Variants in GPM6A observed in about 807,000 individuals in gnomAD.
GPM6A encodes neuronal membrane glycoprotein M6-a.
GPM6A carries 7 observed loss-of-function variants against 32.1 expected under a neutral mutation model. That is an observed-to-expected ratio of 0.22 (90% CI 0.12 to 0.41). GPM6A has a LOEUF of 0.41. Ranked by LOEUF, GPM6A falls within the 10% of genes least tolerant of loss-of-function variation. The pLI is 1.00. For missense variants in GPM6A, 235 were observed against 347.2 expected (o/e 0.68, Z 2.57); for synonymous variants, 130 against 123.4 (o/e 1.05, Z -0.35).
At chr4:175,931,671 T>TACACACACACACACACAC (rs376901123) in intron 1 of GPM6A, among the ~76,000 whole-genome samples, 1 of 136,536 alleles carries the variant, frequency 7.3e-6, no homozygotes, top group Admixed American at 7.3e-5. Context: ...TTAAAAAATA[T>TACACACACACACACACAC]ACACACACAC....
At chr4:175,827,221 A>G (rs1735466021) in intron 1 of GPM6A, among the ~76,000 whole-genome samples, 1 of 152,236 alleles carries the variant, frequency 6.6e-6, no homozygotes, top group African/African-American at 2.4e-5. Context: ...GGAAACAGTG[A>G]AGCATGTATG....
At chr4:175,977,369 CA>C (rs1740693765) in intron 1 of GPM6A, among the ~76,000 whole-genome samples, 1 of 152,020 alleles carries the variant, frequency 6.6e-6, no homozygotes, top group African/African-American at 2.4e-5. Flanking sequence ...ACAAATACTA[CA>C]AAAAATGAAC....
intron 1 of GPM6A, among the ~76,000 whole-genome samples, chr4:175,724,346 A>G (rs1461861776): frequency 6.6e-6 from 1 of 152,224 alleles, no homozygotes; most frequent in Non-Finnish European, 1.5e-5. Context: ...GGAGTTCAAG[A>G]CCAGCCTGGC....
At position 175,897,878 on chromosome 4, in the gene GPM6A, T is replaced by C. The variant is rs116480037; in HGVS notation, c.-22-85629A>G. ...CTGTACAAGCTAGTGATTCTAAAAA[T>C]TGACTTTACTTAAATTAGAATCCCT... On this transcript the variant is annotated intron_variant, in intron 1 of 7. Coordinates refer to the GPM6A transcript ENST00000280187. Among the ~76,000 whole-genome samples, 515 of 152,288 alleles carry C rather than the reference T, an allele frequency of 3.4e-3. 1 individual carries two copies. Among genetic ancestry groups the C allele is most frequent in the African/African-American group, 0.012 (492 of 41,566 alleles).
At chr4:175,713,165 C>A (rs950230075) in intron 1 of GPM6A, among the ~76,000 whole-genome samples, 7 of 152,066 alleles carry the variant, frequency 4.6e-5, no homozygotes, top group African/African-American at 1.7e-4. Flanking sequence ...TAATAGTTAA[C>A]CCTTTAATGA....
chr4:175,771,920 G>A (rs1364057605), intron 1 of GPM6A, among the ~76,000 whole-genome samples: 1 of 152,128 alleles, frequency 6.6e-6, no homozygotes, highest in Non-Finnish European at 1.5e-5. Context: ...CTTTAGTATA[G>A]AATTTTATTT....
chr4:175,835,535 C>G (rs1735738303), intron 1 of GPM6A, among the ~76,000 whole-genome samples: 1 of 150,816 alleles, frequency 6.6e-6, no homozygotes, highest in African/African-American at 2.4e-5. Flanking sequence ...TTCTAACCAC[C>G]ACTATACTGC....
intron 1 of GPM6A, among the ~76,000 whole-genome samples, chr4:175,710,720 C>T (rs535044834): frequency 6.6e-6 from 1 of 152,312 alleles, no homozygotes; most frequent in African/African-American, 2.4e-5. Flanking sequence ...TCCCCCTCAA[C>T]TCACTCAAGG....
chr4:175,944,323 G>A (rs1417456310), intron 1 of GPM6A, among the ~76,000 whole-genome samples: 1 of 152,120 alleles, frequency 6.6e-6, no homozygotes, highest in African/African-American at 2.4e-5. Flanking sequence ...ATTGTTCTGT[G>A]CATCATGATT....
intron 1 of GPM6A, among the ~76,000 whole-genome samples, chr4:175,993,758 C>T (rs964294180): frequency 4.0e-5 from 6 of 151,798 alleles, no homozygotes; most frequent in Non-Finnish European, 8.8e-5. Context: ...TGGACATGAC[C>T]CCAAATAATG....
chr4:175,917,559 G>A (rs116202905), intron 1 of GPM6A, among the ~76,000 whole-genome samples: 1,581 of 152,272 alleles, frequency 0.01, 25 homozygotes, highest in African/African-American at 0.035. Context: ...ATCTGTCCAT[G>A]TACGTTACCA....
intron 1 of GPM6A, among the ~76,000 whole-genome samples, chr4:175,879,348 A>G (rs537875076): frequency 1.3e-5 from 2 of 152,272 alleles, no homozygotes; most frequent in East Asian, 3.9e-4. Flanking sequence ...GTCCCTTCTC[A>G]TACTGCTATG....
rs143680020 is a variant in GPM6A at position 175,912,977 on chromosome 4, T to C, written c.-23+89332A>G. ...CCATATAATTTTTTAATTGCATTTTTCCCTAAAATTTACTTTATATATACA... is the reference window on the plus strand; with the variant it reads ...CCATATAATTTTTTAATTGCATTTTCCCCTAAAATTTACTTTATATATACA... On this transcript the variant is annotated intron_variant, in intron 1 of 7. Coordinates refer to the GPM6A transcript ENST00000280187. Among the ~76,000 whole-genome samples the C allele has an allele frequency of 3.9e-5, 6 of 152,330 alleles. No individual in the cohort carries two copies. The East Asian group carries it at 5.8e-4, about 15-fold the overall frequency.
intron 1 of GPM6A, among the ~76,000 whole-genome samples, chr4:175,988,111 AAAC>A (rs1741033618): frequency 6.6e-6 from 1 of 152,166 alleles, no homozygotes; most frequent in African/African-American, 2.4e-5. Context: ...TCTCCTCTCT[AAAC>A]AACATTATTG....
At chr4:175,852,751 G>A (rs1736297938) in intron 1 of GPM6A, among the ~76,000 whole-genome samples, 1 of 152,020 alleles carries the variant, frequency 6.6e-6, no homozygotes, top group African/African-American at 2.4e-5. Context: ...AATATAAAGA[G>A]GAAAGTCCTT....
intron 4 of GPM6A, among the ~76,000 whole-genome samples, chr4:175,644,313 A>G (rs1310798172): frequency 6.6e-6 from 1 of 151,704 alleles, no homozygotes; most frequent in Non-Finnish European, 1.5e-5. Flanking sequence ...ACTCTGCCTT[A>G]TGCCCCTCAG....
intron 1 of GPM6A, among the ~76,000 whole-genome samples, chr4:175,860,929 C>A (rs1458950249): frequency 1.3e-5 from 2 of 152,086 alleles, no homozygotes; most frequent in African/African-American, 2.4e-5. Flanking sequence ...AAAAATATCT[C>A]ATTTCCTAGA....
At chr4:175,926,429 G>C (rs1738841009) in intron 1 of GPM6A, among the ~76,000 whole-genome samples, 1 of 152,076 alleles carries the variant, frequency 6.6e-6, no homozygotes, top group African/African-American at 2.4e-5. Context: ...ATTGTGGGAA[G>C]AATCTTTCAA....
chr4:175,755,517 A>G (rs1336694169), intron 1 of GPM6A, among the ~76,000 whole-genome samples: 1 of 152,166 alleles, frequency 6.6e-6, no homozygotes, highest in Admixed American at 6.5e-5. Context: ...GGGTATCTGA[A>G]ATGTTTATTT....
Sources: allele counts gnomAD v4.1 joint callset (sites outside exome capture counted in the v4.1 genomes callset), GRCh38; gene constraint gnomAD v4.1.1; transcripts MANE v1.5; gene names NCBI Gene and HGNC (gene_info 2026-07-23, HGNC 2026-07-21).